The following FNDC7 variants were observed in gnomAD, a reference collection of about 807,000 sequenced individuals.
FNDC7 encodes fibronectin type III domain-containing protein 7.
FNDC7 carries 66 observed loss-of-function variants against 74.2 expected under a neutral mutation model. That is an observed-to-expected ratio of 0.89 (90% confidence interval 0.73 to 1.09). The LOEUF is 1.09. Among genes scored for constraint, FNDC7 ranks in the 50% least tolerant of loss-of-function variants. FNDC7 has a pLI of 0.00. For synonymous variants in FNDC7, 307 were observed against 330.2 expected (o/e 0.93, Z 0.76); for missense variants, 829 against 893.4 (o/e 0.93, Z 0.92).
intron 10 of FNDC7, among the ~76,000 whole-genome samples, chr1:108,735,276 T>A (rs1661483136): frequency 6.6e-6 from 1 of 152,118 alleles, no homozygotes; most frequent in African/African-American, 2.4e-5. Flanking sequence ...TCACCACCTC[T>A]CCCCTAGACT....
At chr1:108,713,556 T>G in intron 2 of FNDC7, 27 bp downstream of exon 2, 1 of 1,536,048 alleles carries the variant, frequency 6.5e-7, no homozygotes, top group South Asian at 1.2e-5. Flanking sequence ...TGCAAGTTTT[T>G]CCTTCTCGTA....
rs762720954 is a variant in FNDC7, at chr1:108,724,626, C to T, written c.857-1124C>T. Among the ~76,000 whole-genome samples, 22 of 151,762 alleles carry T rather than the reference C, an allele frequency of 1.4e-4. 1 individual carries two copies. The highest frequency in any genetic ancestry group is 2.9e-5 in the Non-Finnish European group (2 of 67,966). ...AAAATTAGCTGCTCATGGTGGCATG[C>T]ACCTGTAGTTCCAGCTACTCACGAG... On this transcript the variant is annotated intron_variant, in intron 5 of 12. Transcript: ENST00000370017.
intron 2 of FNDC7, among the ~76,000 whole-genome samples, chr1:108,716,850 C>G (rs1478505547): frequency 3.9e-5 from 6 of 152,052 alleles, no homozygotes; most frequent in African/African-American, 1.4e-4. Flanking sequence ...TACATTAAAC[C>G]TGAAAGTCCA....
At chr1:108,719,136 C>T in intron 4 of FNDC7, 87 bp downstream of exon 4, 1 of 1,446,452 alleles carries the variant, frequency 6.9e-7, no homozygotes, top group Non-Finnish European at 9.4e-7. Context: ...GGCAGTGTTA[C>T]ATGACAAGTA....
chr1:108,728,142 G>C (rs1219364309), intron 7 of FNDC7, 77 bp downstream of exon 7: 14 of 1,520,176 alleles, frequency 9.2e-6, no homozygotes, highest in Non-Finnish European at 1.3e-5. Flanking sequence ...TGGGCATTCA[G>C]TGAGACCAAT....
chr1:108,738,015 T>G (rs1476119673), intron 11 of FNDC7, among the ~76,000 whole-genome samples: 2 of 152,208 alleles, frequency 1.3e-5, no homozygotes, highest in African/African-American at 4.8e-5. Flanking sequence ...CTTCTCAAAC[T>G]TTATTGTGCA....
intron 6 of FNDC7, among the ~76,000 whole-genome samples, chr1:108,727,337 A>AAAC (rs200850102): frequency 0.035 from 5,372 of 152,072 alleles, 149 homozygotes; most frequent in Admixed American, 0.067. Flanking sequence ...TGAAAAAACA[A>AAAC]AACAACAACA....
At chr1:108,736,986 G>C (rs1386170349) in intron 10 of FNDC7, among the ~76,000 whole-genome samples, 1 of 11,466 alleles carries the variant, frequency 8.7e-5, no homozygotes, top group Admixed American at 7.3e-4. Context: ...TTTTTTTTTT[G>C]AGATGGAGCC....
At chr1:108,720,193 C>T (rs1661066549) in intron 4 of FNDC7, among the ~76,000 whole-genome samples, 2 of 152,196 alleles carry the variant, frequency 1.3e-5, no homozygotes, top group African/African-American at 4.8e-5. Flanking sequence ...CCTTTCCTTT[C>T]CCTTTCACAC....
chr1:108,733,493 G>T lies in FNDC7; in HGVS notation c.2101G>T (p.Gly701Ter). Residue 701 changes from glycine to a stop codon, truncating the protein, a stop_gained, in exon 10 of 13, where the codon GGA (glycine) becomes TGA (stop). Transcript: ENST00000370017. LOFTEE classifies it high-confidence loss of function. ...GATGGTCTCACCAGTTGCTAAAACA[G>T]GATTGAAGCTTACTTTCTGTCCAAA... ...TVMVSPVAKTGLKLTFCPKKI... is the reference protein window; with the variant it reads ...TVMVSPVAKT The T allele has an allele frequency of 6.2e-7, 1 of 1,613,722 alleles. No individual in the cohort carries two copies. The highest frequency in any genetic ancestry group is 8.5e-7 in the Non-Finnish European group (1 of 1,179,698).
At chr1:108,732,935 AT>A (rs370493264) in intron 9 of FNDC7, among the ~76,000 whole-genome samples, 445 of 134,858 alleles carry the variant, frequency 3.3e-3, no homozygotes, top group African/African-American at 5.1e-3. Context: ...CAACTGGCTA[AT>A]TTTTTTTTTT....
intron 4 of FNDC7, among the ~76,000 whole-genome samples, chr1:108,720,582 T>C (rs1661072936): frequency 6.6e-6 from 1 of 152,204 alleles, no homozygotes; most frequent in Admixed American, 6.5e-5. Flanking sequence ...ACTTGAACAA[T>C]AGAAATGTTT....
rs1661008414 is a variant in FNDC7, at chr1:108,717,833, G to A, written c.139G>A (p.Val47Ile). Residue 47 changes from valine to isoleucine, a missense_variant, in exon 3 of 13, where the codon GTA becomes ATA. Physicochemically the swap from Val to Ile is conservative, Grantham distance 29 (BLOSUM62 3). Coordinates refer to ENST00000370017, the MANE Select transcript of FNDC7 (RefSeq NM_001144937.3). ...TTCAAAACTCAGCAACAGTATCACT[G>A]TAGAATGGGCTACAGTGCCGGGTGC... Reference protein sequence around the residue: ...AYSKLSNSITVEWATVPGATS... With the variant: ...AYSKLSNSITIEWATVPGATS... 1 of 1,551,726 alleles carries A rather than the reference G, an allele frequency of 6.4e-7. No homozygotes were observed. The highest frequency in any genetic ancestry group is 8.7e-7 in the Non-Finnish European group (1 of 1,146,992).
chr1:108,731,218 C>A (rs1021513318), intron 9 of FNDC7, among the ~76,000 whole-genome samples: 1 of 152,172 alleles, frequency 6.6e-6, no homozygotes, highest in Non-Finnish European at 1.5e-5. Flanking sequence ...CACAGAGTAA[C>A]GTAGCCTGGC....
At chr1:108,722,191 C>T in intron 4 of FNDC7, 144 bp from the exon 5 acceptor site, 1 of 819,500 alleles carries the variant, frequency 1.2e-6, no homozygotes, top group Non-Finnish European at 1.8e-6. Context: ...AGGCATCATC[C>T]TAAATCCCAA....
At chr1:108,733,144 C>T (rs910397515) in intron 9 of FNDC7, 128 bp from the exon 10 acceptor site, 1 of 1,177,076 alleles carries the variant, frequency 8.5e-7, no homozygotes, top group Non-Finnish European at 1.2e-6. Context: ...TTGCTCTGAT[C>T]TAACCAGTAA....
chr1:108,725,277 C>G (rs544378857), intron 5 of FNDC7, among the ~76,000 whole-genome samples: 2 of 152,098 alleles, frequency 1.3e-5, no homozygotes, highest in East Asian at 3.9e-4. Flanking sequence ...ATGATAGTTG[C>G]TGGAAGAATT....
intron 9 of FNDC7, among the ~76,000 whole-genome samples, chr1:108,732,577 G>T (rs1426475028): frequency 6.6e-6 from 1 of 152,074 alleles, no homozygotes; most frequent in Non-Finnish European, 1.5e-5. Context: ...CTGTGCCTTT[G>T]ACTCACAGTT....
At chr1:108,731,028 C>G in intron 9 of FNDC7, 100 bp downstream of exon 9, 2 of 1,311,804 alleles carry the variant, frequency 1.5e-6, no homozygotes, top group Non-Finnish European at 2.1e-6. Context: ...GCATCTCCAC[C>G]TAGTTTGCAT....
Sources: gnomAD v4.1 joint callset for allele counts (sites outside exome capture counted in the v4.1 genomes callset) on GRCh38, gnomAD v4.1.1 for gene constraint, MANE v1.5 for transcripts, NCBI Gene and HGNC (gene_info 2026-07-23, HGNC 2026-07-21) for gene names.